SYT7: variants seen among roughly 807,000 people sequenced by gnomAD.
SYT7 encodes synaptotagmin-7.
SYT7 carries 29 observed loss-of-function variants against 75.1 expected under a neutral mutation model. The observed-to-expected ratio is 0.39, with a 90% CI of 0.29 to 0.53. The LOEUF (loss-of-function observed/expected upper bound fraction) is 0.53, where lower values mean the gene tolerates loss of function less well. Among genes scored for constraint, SYT7 ranks in the 20% least tolerant of loss-of-function variants. The pLI, the probability that SYT7 is intolerant of heterozygous loss-of-function variation, is 0.77. For missense variants in SYT7, 693 were observed against 953.2 expected, an observed-to-expected ratio of 0.73 and a Z score of 3.59; for synonymous variants, 376 against 401.7, an observed-to-expected ratio of 0.94 and a Z score of 0.76.
Position 61,533,045 on chromosome 11 carries a change from C to T in SYT7, c.1144G>A (p.Glu382Lys). Residue 382 changes from glutamate to lysine, a missense_variant, in exon 8 of 13, where the codon GAG becomes AAG. Glu to Lys is a moderately conservative substitution (Grantham distance 56). Coordinates refer to ENST00000539008, the MANE Select transcript of SYT7 (RefSeq NM_001365809.2). ...TPHDESDRRT[E>K]PRSSVSDLVN... Reference sequence around the variant, plus strand: ...AGGTCTGAGACGGAGGAACGTGGCTCGGTCCGGCGGTCGGACTCATCGTGG... The same window carrying T: ...AGGTCTGAGACGGAGGAACGTGGCTTGGTCCGGCGGTCGGACTCATCGTGG... 3 of 1,613,450 alleles carry T rather than the reference C, an allele frequency of 1.9e-6. No homozygotes were observed. The highest frequency in any genetic ancestry group is 2.5e-6 in the Non-Finnish European group (3 of 1,179,990).
At position 61,528,316 on chromosome 11, in the gene SYT7, C is replaced by G. The variant is rs1267248501; in HGVS notation, c.1201-131G>C. ...ACACTCACATCCCACGGACGCTGCT[C>G]AGGCTCAGAGGGCAGGTGCCTTGAC... is the stretch of plus-strand genomic sequence containing the variant. On this transcript the variant is annotated intron_variant, in intron 8 of 12. Transcript: ENST00000539008. 3 of 1,192,488 alleles carry G rather than the reference C, an allele frequency of 2.5e-6. No homozygotes were observed. In the African/African-American group the frequency reaches 4.5e-5, roughly 18 times the overall value. 73.9% of individuals were successfully genotyped at this position (1,192,488 alleles called of 1,614,324 possible).
intron 5 of SYT7, among the ~76,000 whole-genome samples, chr11:61,544,253 C>T (rs1053157591): frequency 7.2e-5 from 11 of 152,166 alleles, no homozygotes; most frequent in African/African-American, 2.7e-4. Flanking sequence ...CCCTTGGGAG[C>T]CACCTTCACC....
chr11:61,574,988 C>T (rs1275233444), intron 1 of SYT7, among the ~76,000 whole-genome samples: 1 of 152,064 alleles, frequency 6.6e-6, no homozygotes, highest in Non-Finnish European at 1.5e-5. Flanking sequence ...CTCATGCCAC[C>T]CTGCCCTGGC....
chr11:61,526,889 G>T (rs541462797), intron 9 of SYT7, among the ~76,000 whole-genome samples: 3 of 152,184 alleles, frequency 2.0e-5, no homozygotes, highest in Non-Finnish European at 4.4e-5. Flanking sequence ...GGCTGGGAAG[G>T]CAGGTGGGGA....
At chr11:61,558,507 C>T (rs200536840) in intron 1 of SYT7, among the ~76,000 whole-genome samples, 52 of 89,016 alleles carry the variant, frequency 5.8e-4, no homozygotes, top group South Asian at 1.8e-3. Context: ...CACACACATA[C>T]ACACACACAC....
intron 3 of SYT7, among the ~76,000 whole-genome samples, chr11:61,548,363 G>A (rs1280436921): frequency 2.0e-5 from 3 of 152,208 alleles, no homozygotes; most frequent in Admixed American, 6.5e-5. Context: ...TGAGAACGTG[G>A]GGACTTGCAG....
chr11:61,554,445 GACAGACACACACAC>G (rs1447096915), intron 2 of SYT7, among the ~76,000 whole-genome samples: 3 of 151,896 alleles, frequency 2.0e-5, no homozygotes, highest in East Asian at 1.9e-4. Context: ...CAGACAGACA[GACAGACACACACAC>G]ACAGACACAC....
intron 7 of SYT7, among the ~76,000 whole-genome samples, chr11:61,536,483 C>T (rs575049344): frequency 3.9e-5 from 6 of 152,278 alleles, no homozygotes; most frequent in South Asian, 4.1e-4. Flanking sequence ...CCCTGGCCCC[C>T]GGCCCTCCCA....
chr11:61,546,906 G>A lies in SYT7; in HGVS notation c.347+271C>T, dbSNP rs952437608. 1.3e-5 allele frequency among the ~76,000 whole-genome samples: 2 copies of A among 152,078 alleles called. No homozygotes were observed. Among genetic ancestry groups the A allele is most frequent in the Non-Finnish European group, 2.9e-5 (2 of 68,004 alleles). ...GTGGGGTGGGCCCCGGGACCAGCTG[G>A]GGGGGCCAGGTATGGCTGCCGAGGG... On this transcript the variant is annotated intron_variant, in intron 4 of 12. Transcript: ENST00000539008. This position sits in a 1 kb window ranked among gnomAD's most constrained non-coding sequence, Gnocchi z 7.6.
chr11:61,554,764 C>A (rs2063448265), intron 2 of SYT7, among the ~76,000 whole-genome samples: 1 of 152,200 alleles, frequency 6.6e-6, no homozygotes, highest in Admixed American at 6.5e-5. Flanking sequence ...GACCCAGGAA[C>A]AAAGCAGGGC....
Position 61,576,078 on chromosome 11 carries a change from G to A in SYT7, c.31+4712C>T, listed in dbSNP as rs1472328784. The stretch of plus-strand genomic sequence containing the variant: ...CACCTGCCCGCCTTCCAACCAACTG[G>A]ACCTGGAATTCCAGGCCAAAGCTCT... On this transcript the variant is annotated intron_variant, in intron 1 of 12. Transcript: ENST00000539008. The surrounding 1 kb of genome is among the most constrained non-coding windows in gnomAD (Gnocchi z 4.1). 6.6e-6 allele frequency among the ~76,000 whole-genome samples: 1 copy of A among 152,186 alleles called. No homozygotes were observed. The highest frequency in any genetic ancestry group is 1.5e-5 in the Non-Finnish European group (1 of 68,028).
At chr11:61,584,466 A>G (rs1450913685), upstream of SYT7, among the ~76,000 whole-genome samples, 1 of 151,838 alleles carries the variant, frequency 6.6e-6, no homozygotes, top group African/African-American at 2.4e-5. Context: ...GAATGCCTTT[A>G]TTATTATTGT....
At position 61,546,761 on chromosome 11, in the gene SYT7, C is replaced by A. The variant is rs956324680; in HGVS notation, c.347+416G>T. On this transcript the variant is annotated intron_variant, in intron 4 of 12. Coordinates refer to ENST00000539008, the MANE Select transcript of SYT7 (RefSeq NM_001365809.2). This position sits in a 1 kb window ranked among gnomAD's most constrained non-coding sequence, Gnocchi z 7.6. ...CCATCACCGCCACCACCGCCACGAA[C>A]CACCGACCACCGACCACCGACCACC... The A allele has an allele frequency of 8.5e-5, 33 of 386,254 alleles. No individual in the cohort carries two copies. The highest frequency in any genetic ancestry group is 6.6e-4 in the African/African-American group (31 of 47,104). 23.9% of individuals were successfully genotyped at this position (386,254 alleles called of 1,614,324 possible).
rs1372471882 is a variant in SYT7 at position 61,514,650 on chromosome 11, A to C, written c.*3977T>G. 6.6e-6 allele frequency among the ~76,000 whole-genome samples: 1 copy of C among 152,210 alleles called. No individual in the cohort carries two copies. Among genetic ancestry groups the C allele is most frequent in the African/African-American group, 2.4e-5 (1 of 41,452 alleles). ...GGATGGTTATTGCTTTGTTGTGGCC[A>C]GAAGAAACAGGTGGAAGGAAAGAGC... is the stretch of plus-strand genomic sequence containing the variant. On this transcript the variant is annotated 3_prime_UTR_variant, in exon 13 of 13. Coordinates refer to ENST00000539008, the MANE Select transcript of SYT7 (RefSeq NM_001365809.2).
chr11:61,536,938 C>T (rs1194822290), intron 7 of SYT7, among the ~76,000 whole-genome samples: 1 of 152,262 alleles, frequency 6.6e-6, no homozygotes, highest in Non-Finnish European at 1.5e-5. Context: ...GCCCAAAGGC[C>T]TGTTTCCCTC....
intron 9 of SYT7, among the ~76,000 whole-genome samples, chr11:61,525,079 A>G (rs547997149): frequency 6.6e-6 from 1 of 152,202 alleles, no homozygotes; most frequent in African/African-American, 2.4e-5. Context: ...CTGTGCTTCC[A>G]TCCTTCCTAC....
intron 12 of SYT7, among the ~76,000 whole-genome samples, 177 bp from the exon 13 acceptor site, chr11:61,518,908 T>C (rs1319592670): frequency 1.3e-5 from 2 of 152,152 alleles, no homozygotes; most frequent in Non-Finnish European, 2.9e-5. Context: ...GTCAGCCTGA[T>C]CTATTTTCCT....
intron 1 of SYT7, among the ~76,000 whole-genome samples, chr11:61,571,621 C>T (rs557778371): frequency 1.5e-4 from 23 of 152,346 alleles, no homozygotes; most frequent in Admixed American, 5.2e-4. Context: ...CACGCCTCTC[C>T]CCTAGCAGAA....
chr11:61,517,353 C>T lies in SYT7; in HGVS notation c.*1274G>A. 1 of 398,684 alleles carries T rather than the reference C, an allele frequency of 2.5e-6. No homozygotes were observed. Among genetic ancestry groups the T allele is most frequent in the Non-Finnish European group, 4.4e-6 (1 of 226,110 alleles). 24.7% of individuals were successfully genotyped at this position (398,684 alleles called of 1,614,324 possible). On this transcript the variant is annotated 3_prime_UTR_variant, in exon 13 of 13. Coordinates refer to ENST00000539008, the MANE Select transcript of SYT7 (RefSeq NM_001365809.2). The stretch of plus-strand genomic sequence containing the variant: ...GAACTCACAGAATCCTGGTCTTTTC[C>T]CTGCCTCCTTTCCCTGCACTGTGAG...
Sources: allele counts gnomAD v4.1 joint callset (sites outside exome capture counted in the v4.1 genomes callset), GRCh38; gene constraint gnomAD v4.1.1; non-coding constraint Gnocchi (gnomAD v3.1); transcripts MANE v1.5; gene names NCBI Gene and HGNC (gene_info 2026-07-23, HGNC 2026-07-21).